Variants in TM9SF1 observed in about 807,000 individuals in gnomAD.
TM9SF1 encodes MP70 protein family member.
A neutral mutation model predicts 52.4 loss-of-function variants in TM9SF1; 25 were observed. The ratio of observed to expected loss-of-function variants is 0.48; its 90% CI spans 0.35 to 0.67. The LOEUF is 0.67. Ranked by LOEUF, TM9SF1 falls within the 30% of genes least tolerant of loss-of-function variation. TM9SF1 has a pLI of 0.01. For synonymous variants in TM9SF1, 284 were observed against 299.8 expected, an observed-to-expected ratio of 0.95 and a Z score of 0.55; for missense variants, 604 against 780.3, an observed-to-expected ratio of 0.77 and a Z score of 2.69.
At chr14:24,190,722 T>C (rs1280676222) in intron 4 of TM9SF1, 69 bp from the exon 5 acceptor site, 1 of 1,429,132 alleles carries the variant, frequency 7.0e-7, no homozygotes, top group Admixed American at 2.4e-5. Flanking sequence ...CCCACTTACA[T>C]CCAGGACCAA....
chr14:24,190,133 A>C, intron 5 of TM9SF1: 2 of 1,376,156 alleles, frequency 1.5e-6, no homozygotes, highest in Non-Finnish European at 1.9e-6. Context: ...CATGATGTCC[A>C]TAGGCATTAA....
At chr14:24,193,382 T>C in intron 2 of TM9SF1, 113 bp from the exon 3 acceptor site, 1 of 1,236,522 alleles carries the variant, frequency 8.1e-7, no homozygotes, top group South Asian at 1.6e-5. Flanking sequence ...ATTCTTTTTT[T>C]TCGAGATGGA....
At position 24,192,591 on chromosome 14, in the gene TM9SF1, C is replaced by T; in HGVS notation, c.967+57G>A. On this transcript the variant is annotated intron_variant, in intron 3 of 5. Coordinates refer to ENST00000261789, the MANE Select transcript of TM9SF1 (RefSeq NM_006405.7). This position sits in a 1 kb window ranked among gnomAD's most constrained non-coding sequence, Gnocchi z 4.0. Reference sequence around the variant, plus strand: ...GATCCACAGACCTTTTCTGAACAAACTCCCTACCTAGTTCTATCCCATGAG... The same window carrying T: ...GATCCACAGACCTTTTCTGAACAAATTCCCTACCTAGTTCTATCCCATGAG... The T allele has an allele frequency of 6.6e-7, 1 of 1,518,270 alleles. No individual in the cohort carries two copies. 94.0% of individuals were successfully genotyped at this position (1,518,270 alleles called of 1,614,324 possible). A position where few individuals can be genotyped will look rare whatever the true frequency, so the allele number is the denominator to read the frequency against.
At chr14:24,193,335 T>C (rs1274584069) in intron 2 of TM9SF1, 66 bp from the exon 3 acceptor site, 2 of 1,509,126 alleles carry the variant, frequency 1.3e-6, no homozygotes, top group East Asian at 2.3e-5. Context: ...CAGCAAAGTT[T>C]CTCACCTTCA....
intron 2 of TM9SF1, 22 bp from the exon 3 acceptor site, chr14:24,193,291 T>G: frequency 1.3e-6 from 2 of 1,568,676 alleles, no homozygotes; most frequent in Non-Finnish European, 1.7e-6. Context: ...AAGTCAGGAG[T>G]TGGTCACACA....
chr14:24,192,715 G>T lies in TM9SF1; in HGVS notation c.900C>A (p.Phe300Leu). 2 of 1,612,248 alleles carry T rather than the reference G, an allele frequency of 1.2e-6. No individual in the cohort carries two copies. The highest frequency in any genetic ancestry group is 1.7e-6 in the Non-Finnish European group (2 of 1,178,876). Residue 300 changes from phenylalanine (F) to leucine (L), a missense_variant, in exon 3 of 6, where the codon TTC becomes TTA. By Grantham distance (22) the Phe-to-Leu change is conservative. Coordinates refer to ENST00000261789, the MANE Select transcript of TM9SF1 (RefSeq NM_006405.7). This position sits in a 1 kb window ranked among gnomAD's most constrained non-coding sequence, Gnocchi z 4.0. The part of the protein sequence containing the change: ...WKIIHTDVFR[F>L]PPYRGLLCAV... ...CACAGAGCAGACCACGGTATGGGGG[G>T]AAGCGGAAGACATCTGTATGGATAA...
intron 2 of TM9SF1, among the ~76,000 whole-genome samples, chr14:24,194,041 T>C (rs866304858): frequency 6.6e-6 from 1 of 152,172 alleles, no homozygotes; most frequent in South Asian, 2.1e-4. Context: ...CCTGGCCTCT[T>C]CCCATTCTAT....
rs777100935 is a variant in TM9SF1 at position 24,190,363 on chromosome 14, G to A, written c.1427+17C>T. 2.6e-6 allele frequency: 4 copies of A among 1,557,056 alleles called. No individual in the cohort carries two copies. The highest frequency in any genetic ancestry group is 1.4e-5 in the African/African-American group (1 of 73,496). ...CAGGAACCTGACAGTAATAGCCATG[G>A]AATAAAGGGAGGATACCTGAAAGGC... On this transcript the variant is annotated intron_variant, in intron 5 of 5. Coordinates refer to ENST00000261789, the MANE Select transcript of TM9SF1 (RefSeq NM_006405.7).
At chr14:24,195,268 GC>G in intron 1 of TM9SF1, 77 bp downstream of exon 1, 2 of 501,564 alleles carry the variant, frequency 4.0e-6, no homozygotes, top group Non-Finnish European at 7.1e-6. Context: ...TCTACTACGC[GC>G]CCTGGCCCGT....
At position 24,193,197 on chromosome 14, in the gene TM9SF1, C is replaced by G; in HGVS notation, c.418G>C (p.Gly140Arg). 1 of 1,614,044 alleles carries G rather than the reference C, an allele frequency of 6.2e-7. No individual in the cohort carries two copies. The highest frequency in any genetic ancestry group is 8.5e-7 in the Non-Finnish European group (1 of 1,179,998). Residue 140 changes from glycine (G) to arginine (R), a missense_variant, in exon 3 of 6, where the codon GGC becomes CGC. This residue lies in a region of TM9SF1 where 450 missense variants were observed against 560.1 expected (regional missense o/e 0.80). Transcript: ENST00000261789. ...EFVVDDLPIR[G>R]FVGYMEESGF... The stretch of plus-strand genomic sequence containing the variant: ...CTCTCCTCCATGTAGCCCACAAAGC[C>G]CCGGATTGGCAAGTCATCTACCACA...
chr14:24,195,344 A>C lies in TM9SF1; in HGVS notation c.-18+2T>G. 7.4e-6 allele frequency: 2 copies of C among 272,026 alleles called. No individual in the cohort carries two copies. The highest frequency in any genetic ancestry group is 6.8e-5 in the South Asian group (1 of 14,634). The allele number at this position is 272,026 out of a possible 1,614,324, so 16.9% of individuals were successfully genotyped here. A position where few individuals can be genotyped will look rare whatever the true frequency, so the allele number is the denominator to read the frequency against. ...TTCCCGCCACAGCCCCGGGGTCCTC[A>C]CCGCGCGGGAAGGGCTGGCCGAGGC... On this transcript the variant is annotated splice_donor_variant, in intron 1 of 5. Transcript: ENST00000261789. LOFTEE classifies it low-confidence loss of function (5UTR_SPLICE).
Position 24,189,481 on chromosome 14 carries a change from G to T in TM9SF1, c.1755C>A (p.Gly585=), listed in dbSNP as rs746885044. The change falls in exon 6 of 6, where the codon GGC becomes GGA. Residue 585 remains glycine (G), a synonymous_variant. Coordinates refer to ENST00000261789, the MANE Select transcript of TM9SF1 (RefSeq NM_006405.7). ...TTAGGGAAGAAAAAAAGGAGATGGTGCCCAGCATGAGGAAGAAGACATAAC... is the reference window on the plus strand; with the variant it reads ...TTAGGGAAGAAAAAAAGGAGATGGTTCCCAGCATGAGGAAGAAGACATAAC... ...LTGYVFFLML[G]TISFFSSLKF... is the part of the protein sequence containing the mutation. 1 of 1,614,162 alleles carries T rather than the reference G, an allele frequency of 6.2e-7. No individual in the cohort carries two copies.
At chr14:24,191,133 G>A (rs1028300324) in intron 4 of TM9SF1, among the ~76,000 whole-genome samples, 2 of 152,166 alleles carry the variant, frequency 1.3e-5, no homozygotes, top group East Asian at 1.9e-4. Flanking sequence ...CCAAAGTGCT[G>A]GGATTACAGG....
In TM9SF1 at chr14:24,194,924, G is replaced by A; in HGVS notation, c.96C>T (p.Gly32=). The change falls in exon 2 of 6, where the codon GGC becomes GGT. Residue 32 remains glycine (G), a synonymous_variant. Coordinates refer to ENST00000261789, the MANE Select transcript of TM9SF1 (RefSeq NM_006405.7). The stretch of plus-strand genomic sequence containing the variant: ...GGTCGCCGGCCTTGTAGTGTGTCAC[G>A]CCTTCCACCCCTGGCCCATGGCCTG... The part of the protein sequence containing the change: ...LGTGHGPGVE[G]VTHYKAGDPV... 5 of 1,614,186 alleles carry A rather than the reference G, an allele frequency of 3.1e-6. No homozygotes were observed. The highest frequency in any genetic ancestry group is 4.2e-6 in the Non-Finnish European group (5 of 1,180,046).
rs2234110 is a variant in TM9SF1, at chr14:24,192,056, C to G, written c.1153+115G>C. The G allele has an allele frequency of 2.9e-4, 312 of 1,083,460 alleles. 1 individual carries two copies. The East Asian group carries it at 6.0e-3, about 21-fold the overall frequency. 67.1% of individuals were successfully genotyped at this position (1,083,460 alleles called of 1,614,324 possible). A position where few individuals can be genotyped will look rare whatever the true frequency, so the allele number is the denominator to read the frequency against. Reference sequence around the variant, plus strand: ...CAAACTTTTGGGCTCAAGTGATCCTCCGGCCTCGGTCTCCCAAAGTGCTAG... The same window carrying G: ...CAAACTTTTGGGCTCAAGTGATCCTGCGGCCTCGGTCTCCCAAAGTGCTAG... On this transcript the variant is annotated intron_variant, in intron 4 of 5. Transcript: ENST00000261789. This position sits in a 1 kb window ranked among gnomAD's most constrained non-coding sequence, Gnocchi z 4.0.
Position 24,192,500 on chromosome 14 carries a change from T to G in TM9SF1, c.968-144A>C. On this transcript the variant is annotated intron_variant, in intron 3 of 5. Coordinates refer to ENST00000261789, the MANE Select transcript of TM9SF1 (RefSeq NM_006405.7). The surrounding 1 kb of genome is among the most constrained non-coding windows in gnomAD (Gnocchi z 4.0). Reference sequence around the variant, plus strand: ...GTTTTGCTATCCAGAAAATCTACAATAGAATACGTGCATTCTTGCTAGAGC... The same window carrying G: ...GTTTTGCTATCCAGAAAATCTACAAGAGAATACGTGCATTCTTGCTAGAGC... 2 of 1,367,852 alleles carry G rather than the reference T, an allele frequency of 1.5e-6. No individual in the cohort carries two copies. The highest frequency in any genetic ancestry group is 2.0e-6 in the Non-Finnish European group (2 of 1,002,868). 84.7% of individuals were successfully genotyped at this position (1,367,852 alleles called of 1,614,324 possible).
In TM9SF1 at chr14:24,192,421, G is replaced by C; in HGVS notation, c.968-65C>G. 1.3e-6 allele frequency: 2 copies of C among 1,545,548 alleles called. No individual in the cohort carries two copies. Among genetic ancestry groups the C allele is most frequent in the Non-Finnish European group, 1.8e-6 (2 of 1,135,236 alleles). On this transcript the variant is annotated intron_variant, in intron 3 of 5. Coordinates refer to ENST00000261789, the MANE Select transcript of TM9SF1 (RefSeq NM_006405.7). The surrounding 1 kb of genome is among the most constrained non-coding windows in gnomAD (Gnocchi z 4.0). ...TGTGTCTCTTCTAGCAATTTCAGAG[G>C]AATCAGCCCCCCTTCTCCCAGACCC... is the stretch of plus-strand genomic sequence containing the variant.
chr14:24,192,882 G>C lies in TM9SF1; in HGVS notation c.733C>G (p.Leu245Val). The C allele has an allele frequency of 1.2e-6, 2 of 1,614,050 alleles. No individual in the cohort carries two copies. The highest frequency in any genetic ancestry group is 1.7e-6 in the Non-Finnish European group (2 of 1,179,964). The part of the protein sequence containing the change: ...HWLSIINSMV[L>V]VFLLVGFVAV... ...ACAAAACCCACCAGTAAAAACACAA[G>C]CACCATGGAGTTGATGATGGACAAC... The change falls in exon 3 of 6, where the codon CTT becomes GTT. Residue 245 changes from leucine to valine, a missense_variant. Leu to Val is a conservative substitution (Grantham distance 32, BLOSUM62 1). Transcript: ENST00000261789. This position sits in a 1 kb window ranked among gnomAD's most constrained non-coding sequence, Gnocchi z 4.0.
chr14:24,191,814 C>CT (rs540154238), intron 4 of TM9SF1: 2,381 of 170,096 alleles, frequency 0.014, 12 homozygotes, highest in African/African-American at 0.021. Flanking sequence ...ATGATGTGTT[C>CT]TTTTTTTTTT....
Sources: allele counts gnomAD v4.1 joint callset (sites outside exome capture counted in the v4.1 genomes callset), GRCh38; gene constraint gnomAD v4.1.1; regional missense constraint gnomAD v4.1.1; non-coding constraint Gnocchi (gnomAD v3.1); transcripts MANE v1.5; gene names NCBI Gene and HGNC (gene_info 2026-07-23, HGNC 2026-07-21).